Variants in MBTD1 observed in about 807,000 individuals in gnomAD.
MBTD1 encodes the protein MBT domain-containing protein 1.
A neutral mutation model predicts 87.8 loss-of-function variants in MBTD1; 24 were observed. The observed-to-expected ratio is 0.27, with a 90% CI of 0.20 to 0.38. The LOEUF is 0.38. Among genes scored for constraint, MBTD1 ranks in the 10% least tolerant of loss-of-function variants. MBTD1 has a pLI of 1.00. For synonymous variants in MBTD1, 237 were observed against 248.6 expected (o/e 0.95, Z 0.44); for missense variants, 436 against 760.2 (o/e 0.57, Z 5.02).
intron 6 of MBTD1, among the ~76,000 whole-genome samples, chr17:51,208,345 T>C (rs974776763): frequency 6.6e-6 from 1 of 152,194 alleles, no homozygotes; most frequent in African/African-American, 2.4e-5. Context: ...GAAGGGTACA[T>C]ATAACTATCT....
At position 51,228,066 on chromosome 17, in the gene MBTD1, CAT is replaced by C. The variant is rs750082144; in HGVS notation, c.-48-2859_-48-2858del. Among the ~76,000 whole-genome samples, 38 of 151,314 alleles carry C rather than the reference CAT, an allele frequency of 2.5e-4. 1 individual carries two copies. Among genetic ancestry groups the C allele is most frequent in the Admixed American group, 1.7e-3 (26 of 15,220 alleles). On this transcript the variant is annotated intron_variant, in intron 2 of 16. Coordinates refer to ENST00000586178, the MANE Select transcript of MBTD1 (RefSeq NM_017643.3). The stretch of plus-strand genomic sequence containing the variant: ...TATATTTATTCAGTTTTTAAAAAAA[CAT>C]AAACAATGGTTTAAAACCCAACCCA...
chr17:51,212,984 T>A (rs2052341253), intron 6 of MBTD1, among the ~76,000 whole-genome samples: 1 of 152,176 alleles, frequency 6.6e-6, no homozygotes, highest in Admixed American at 6.6e-5. Context: ...TGCCTCGGCC[T>A]CCCAAAGTGC....
chr17:51,220,232 G>A, intron 4 of MBTD1, 98 bp downstream of exon 4: 2 of 1,153,792 alleles, frequency 1.7e-6, no homozygotes, highest in Non-Finnish European at 2.4e-6. Context: ...TAACTGAGTG[G>A]GCAGAGGTGG....
At chr17:51,184,668 C>G (rs766773023) in intron 16 of MBTD1, 6 of 152,168 alleles carry the variant, frequency 3.9e-5, no homozygotes, top group Non-Finnish European at 8.8e-5. Context: ...AATCAGTAAC[C>G]TATCACAAAA....
At chr17:51,215,039 G>A (rs142173771) in intron 6 of MBTD1, among the ~76,000 whole-genome samples, 9 of 152,204 alleles carry the variant, frequency 5.9e-5, no homozygotes, top group Non-Finnish European at 1.2e-4. Context: ...TGCCAGTTAA[G>A]AGAGCAAGCT....
intron 2 of MBTD1, among the ~76,000 whole-genome samples, chr17:51,257,537 A>G (rs1044655760): frequency 3.9e-5 from 6 of 152,362 alleles, no homozygotes; most frequent in African/African-American, 1.2e-4. Flanking sequence ...GACCAAAAGC[A>G]GCACTAGAAC....
intron 2 of MBTD1, chr17:51,256,464 G>A (rs1334525426): frequency 6.6e-6 from 1 of 151,908 alleles, no homozygotes; most frequent in East Asian, 1.9e-4. Context: ...AACTTTCTGG[G>A]GTATACATTA....
intron 12 of MBTD1, among the ~76,000 whole-genome samples, chr17:51,200,026 C>T (rs748308013): frequency 5.3e-5 from 8 of 152,046 alleles, no homozygotes; most frequent in African/African-American, 1.2e-4. Context: ...AGGGTTTCAC[C>T]GTGTTAGCCA....
chr17:51,199,944 T>A (rs960456967), intron 12 of MBTD1, among the ~76,000 whole-genome samples: 3 of 151,238 alleles, frequency 2.0e-5, no homozygotes, highest in African/African-American at 7.3e-5. Flanking sequence ...CCTGCCGCAG[T>A]CTCCTGAGTA....
intron 8 of MBTD1, 69 bp downstream of exon 8, chr17:51,203,722 T>A: frequency 6.7e-7 from 1 of 1,495,218 alleles, no homozygotes; most frequent in East Asian, 2.3e-5. Flanking sequence ...ACTCTAACAT[T>A]ACTATGTGTA....
chr17:51,260,940 C>T (rs1568260551), upstream of MBTD1: 4 of 1,527,924 alleles, frequency 2.6e-6, no homozygotes, highest in Non-Finnish European at 2.6e-6. Context: ...AGGGAGGCCG[C>T]GGCGCGCGGG....
intron 16 of MBTD1, among the ~76,000 whole-genome samples, chr17:51,191,210 G>A (rs2050792300): frequency 6.6e-6 from 1 of 151,492 alleles, no homozygotes; most frequent in Non-Finnish European, 1.5e-5. Flanking sequence ...TATTACTTTG[G>A]CTTATGCCAA....
intron 13 of MBTD1, 122 bp from the exon 14 acceptor site, chr17:51,193,632 T>G (rs2145091796): frequency 1.5e-6 from 1 of 649,224 alleles, no homozygotes; most frequent in Non-Finnish European, 2.8e-6. Flanking sequence ...ACTTTATTTT[T>G]TTTGAGACAG....
chr17:51,251,170 T>C (rs1476271750), intron 2 of MBTD1: 1 of 152,202 alleles, frequency 6.6e-6, no homozygotes, highest in Non-Finnish European at 1.5e-5. Flanking sequence ...GAAATGCTGA[T>C]TCACATTTCC....
intron 6 of MBTD1, among the ~76,000 whole-genome samples, chr17:51,208,709 T>C (rs554493822): frequency 3.9e-5 from 6 of 152,344 alleles, no homozygotes; most frequent in Middle Eastern, 3.4e-3. Context: ...CTTATGCTAA[T>C]GAGCTGGGGG....
chr17:51,198,974 T>C (rs1227162307), intron 12 of MBTD1, among the ~76,000 whole-genome samples: 2 of 152,168 alleles, frequency 1.3e-5, no homozygotes, highest in East Asian at 1.9e-4. Flanking sequence ...GGCTAATTTT[T>C]GTATGGAGAT....
intron 16 of MBTD1, among the ~76,000 whole-genome samples, chr17:51,186,834 T>C (rs561071708): frequency 6.6e-6 from 1 of 151,870 alleles, no homozygotes; most frequent in South Asian, 2.1e-4. Flanking sequence ...GGCCAATTTC[T>C]TTCAAGAAAG....
chr17:51,225,099 A>T lies in MBTD1; in HGVS notation c.63T>A (p.Ser21Arg). Residue 21 changes from serine (S) to arginine (R), a missense_variant, in exon 3 of 17, where the codon AGT becomes AGA. Physicochemically the swap from Ser to Arg is moderately radical, Grantham distance 110 (BLOSUM62 -1). This residue lies in a region of MBTD1 where 38 missense variants were observed against 33.8 expected (regional missense o/e 1.12). Transcript: ENST00000586178. Reference sequence around the variant, plus strand: ...AAGGTAAAGGAGCGACTTCTTCCTCACTCTCTTCGGAGCTGGAGCTGCTGC... The same window carrying T: ...AAGGTAAAGGAGCGACTTCTTCCTCTCTCTCTTCGGAGCTGGAGCTGCTGC... Reference protein sequence around the residue: ...DTSSSSSSEESEEEVAPLPSN... With the variant: ...DTSSSSSSEEREEEVAPLPSN... The T allele has an allele frequency of 6.4e-7, 1 of 1,551,380 alleles. No individual in the cohort carries two copies. The highest frequency in any genetic ancestry group is 8.7e-7 in the Non-Finnish European group (1 of 1,146,816).
At chr17:51,218,270 T>C (rs2052683719) in intron 5 of MBTD1, among the ~76,000 whole-genome samples, 1 of 152,128 alleles carries the variant, frequency 6.6e-6, no homozygotes, top group African/African-American at 2.4e-5. Context: ...GGCTCACACC[T>C]GTATTCCCAG....
Sources: allele counts gnomAD v4.1 joint callset (sites outside exome capture counted in the v4.1 genomes callset), GRCh38; gene constraint gnomAD v4.1.1; regional missense constraint gnomAD v4.1.1; transcripts MANE v1.5; gene names NCBI Gene and HGNC (gene_info 2026-07-23, HGNC 2026-07-21).